Variants in TENM4 observed in about 807,000 individuals in gnomAD.
The protein encoded by TENM4 is teneurin transmembrane protein 4.
TENM4 carries 82 observed loss-of-function variants against 243.3 expected under a neutral mutation model. The observed-to-expected ratio is 0.34, with a 90% CI of 0.28 to 0.40. The LOEUF is 0.40. Among genes scored for constraint, TENM4 ranks in the 10% least tolerant of loss-of-function variants. The probability of loss-of-function intolerance (pLI) is 1.00; values close to 1 mark genes in which losing one functional copy is unlikely to be tolerated. For missense variants in TENM4, 3,138 were observed against 3,673.3 expected (o/e 0.85, Z 3.77); for synonymous variants, 1,412 against 1,456.3 (o/e 0.97, Z 0.69).
chr11:79,330,654 C>T (rs1227871166), intron 1 of TENM4, among the ~76,000 whole-genome samples: 6 of 152,138 alleles, frequency 3.9e-5, no homozygotes, highest in Middle Eastern at 3.2e-3. Context: ...CCAGCAGAGT[C>T]GAGAGCTATG....
intron 4 of TENM4, among the ~76,000 whole-genome samples, chr11:79,105,149 G>C (rs1466590821): frequency 6.6e-6 from 1 of 152,142 alleles, no homozygotes; most frequent in Non-Finnish European, 1.5e-5. Context: ...GTTCGAAAGG[G>C]TGAAATCATT....
At chr11:78,812,743 C>T (rs1392181350) in intron 13 of TENM4, among the ~76,000 whole-genome samples, 2 of 152,152 alleles carry the variant, frequency 1.3e-5, no homozygotes, top group Non-Finnish European at 2.9e-5. Flanking sequence ...TCTGCAGCGC[C>T]ACTTACTGTC....
At chr11:79,178,307 T>C (rs1341439444) in intron 3 of TENM4, among the ~76,000 whole-genome samples, 1 of 151,840 alleles carries the variant, frequency 6.6e-6, no homozygotes, top group Non-Finnish European at 1.5e-5. Context: ...TAAATTGGAG[T>C]TTAGGGCAGA....
At chr11:79,288,382 G>A (rs558401275) in intron 2 of TENM4, among the ~76,000 whole-genome samples, 22 of 152,336 alleles carry the variant, frequency 1.4e-4, no homozygotes, top group African/African-American at 5.0e-4. Context: ...AAGCAGAAAT[G>A]TCCCCAGCTC....
intron 9 of TENM4, among the ~76,000 whole-genome samples, chr11:78,868,827 T>G (rs1039743563): frequency 7.2e-5 from 11 of 152,156 alleles, no homozygotes; most frequent in Non-Finnish European, 1.2e-4. Flanking sequence ...AAGGAACTGT[T>G]GATTCAAGTG....
At chr11:79,006,925 C>A (rs566635034) in intron 6 of TENM4, among the ~76,000 whole-genome samples, 5 of 152,188 alleles carry the variant, frequency 3.3e-5, no homozygotes, top group Non-Finnish European at 4.4e-5. Flanking sequence ...TGGTGGACTT[C>A]GAGCACAGCA....
chr11:79,082,277 T>C (rs574420129), intron 4 of TENM4, among the ~76,000 whole-genome samples: 4 of 152,276 alleles, frequency 2.6e-5, no homozygotes, highest in Non-Finnish European at 4.4e-5. Flanking sequence ...GTGGCTCTTT[T>C]TCGGTAGCAC....
chr11:79,407,092 C>A (rs545543224), intron 1 of TENM4, among the ~76,000 whole-genome samples: 1 of 152,132 alleles, frequency 6.6e-6, no homozygotes, highest in East Asian at 1.9e-4. Flanking sequence ...GTGGACTGAT[C>A]ATTCACTCAA....
At chr11:78,902,411 A>G (rs570774958) in intron 7 of TENM4, among the ~76,000 whole-genome samples, 1 of 152,312 alleles carries the variant, frequency 6.6e-6, no homozygotes, top group Admixed American at 6.5e-5. Context: ...CTGACAAATC[A>G]CTGACCAACA....
Position 79,384,855 on chromosome 11 carries a change from G to A in TENM4, c.-321+55654C>T, listed in dbSNP as rs1858076177. The stretch of plus-strand genomic sequence containing the variant: ...GCAGGAGAATCTCTTAAACCCAGGA[G>A]GCAGAAGTTGCAGTGAGCCGAGATG... On this transcript the variant is annotated intron_variant, in intron 1 of 33. Coordinates refer to ENST00000278550, the MANE Select transcript of TENM4 (RefSeq NM_001098816.3). Among the ~76,000 whole-genome samples, 3 of 151,674 alleles carry A rather than the reference G, an allele frequency of 2.0e-5. 1 individual carries two copies. The South Asian group carries it at 6.3e-4, about 32-fold the overall frequency.
chr11:78,974,013 C>T (rs1238553547), intron 6 of TENM4, among the ~76,000 whole-genome samples: 1 of 152,064 alleles, frequency 6.6e-6, no homozygotes, highest in African/African-American at 2.4e-5. Context: ...AGGAAGCTAA[C>T]AGGACTAGAG....
intron 6 of TENM4, among the ~76,000 whole-genome samples, chr11:79,048,980 C>T (rs570643195): frequency 4.6e-5 from 7 of 152,264 alleles, no homozygotes; most frequent in South Asian, 2.1e-4. Context: ...ATTTCTTCTG[C>T]GGATTCTCTG....
intron 19 of TENM4, among the ~76,000 whole-genome samples, chr11:78,746,526 T>G (rs2135927887): frequency 6.6e-6 from 1 of 152,368 alleles, no homozygotes; most frequent in East Asian, 1.9e-4. Context: ...CATAGGAATC[T>G]TCTGGAATAT....
chr11:79,008,889 G>A (rs527245992), intron 6 of TENM4, among the ~76,000 whole-genome samples: 1 of 152,300 alleles, frequency 6.6e-6, no homozygotes, highest in African/African-American at 2.4e-5. Flanking sequence ...CTCCATGAGA[G>A]TGTCTATATC....
At chr11:79,124,893 A>ATGTG (rs71050209) in intron 4 of TENM4, among the ~76,000 whole-genome samples, 2,730 of 111,658 alleles carry the variant, frequency 0.024, 66 homozygotes, top group East Asian at 0.039. Flanking sequence ...GTATATGTAT[A>ATGTG]TGTGTGTGTG....
chr11:78,973,010 T>A (rs1348368459), intron 6 of TENM4, among the ~76,000 whole-genome samples: 1 of 152,246 alleles, frequency 6.6e-6, no homozygotes, highest in African/African-American at 2.4e-5. Flanking sequence ...ACGATTAGGA[T>A]TTCATTTCAT....
At position 78,877,044 on chromosome 11, in the gene TENM4, A is replaced by G. The variant is rs112378552; in HGVS notation, c.1084+12741T>C. Among the ~76,000 whole-genome samples, 431 of 152,342 alleles carry G rather than the reference A, an allele frequency of 2.8e-3. 1 individual carries two copies. The highest frequency in any genetic ancestry group is 9.8e-3 in the African/African-American group (409 of 41,582). On this transcript the variant is annotated intron_variant, in intron 9 of 33. Coordinates refer to ENST00000278550, the MANE Select transcript of TENM4 (RefSeq NM_001098816.3). ...TTGACATTTTACCAATGAGGAAACC[A>G]ACATACAGAGAGGTTTGAAAACGTG...
chr11:78,712,335 C>A, intron 26 of TENM4, 147 bp downstream of exon 26: 1 of 669,636 alleles, frequency 1.5e-6, no homozygotes, highest in South Asian at 2.0e-5. Context: ...GTATTTCTGG[C>A]AGGTGGAATT....
At chr11:78,901,940 T>C (rs1361884468) in intron 7 of TENM4, among the ~76,000 whole-genome samples, 2 of 152,228 alleles carry the variant, frequency 1.3e-5, no homozygotes, top group African/African-American at 4.8e-5. Flanking sequence ...TCATTTTCTC[T>C]TACTGGCCTC....
Sources: allele counts gnomAD v4.1 joint callset (sites outside exome capture counted in the v4.1 genomes callset), GRCh38; gene constraint gnomAD v4.1.1; transcripts MANE v1.5; gene names NCBI Gene and HGNC (gene_info 2026-07-23, HGNC 2026-07-21).